FBXW12: variants seen among roughly 807,000 people sequenced by gnomAD.
FBXW12 encodes F-box and WD repeat domain containing 12, also known as F-box/WD repeat-containing protein 12.
A neutral mutation model predicts 55.3 loss-of-function variants in FBXW12; 43 were observed. That is an observed-to-expected ratio of 0.78 (90% CI 0.61 to 1.00). FBXW12 has a LOEUF of 1.00. Ranked by LOEUF, FBXW12 falls within the 50% of genes least tolerant of loss-of-function variation. FBXW12 has a pLI of 0.00. For synonymous variants in FBXW12, 184 were observed against 203.8 expected (o/e 0.90, Z 0.83); for missense variants, 524 against 560.5 (o/e 0.93, Z 0.66).
chr3:48,373,750 A>C, intron 4 of FBXW12, 45 bp downstream of exon 4: 1 of 1,545,330 alleles, frequency 6.5e-7, no homozygotes, highest in South Asian at 1.2e-5. Context: ...GCTTGTTTTC[A>C]GAGGTCCACT....
chr3:48,373,172 G>A, intron 2 of FBXW12, 136 bp from the exon 3 acceptor site: 2 of 1,308,978 alleles, frequency 1.5e-6, no homozygotes, highest in Non-Finnish European at 2.2e-6. Context: ...TCCCCACACT[G>A]AGAGTGCTTT....
At chr3:48,381,657 TTA>T in intron 8 of FBXW12, 41 bp from the exon 9 acceptor site, 2 of 1,497,366 alleles carry the variant, frequency 1.3e-6, no homozygotes, top group Non-Finnish European at 1.8e-6. Flanking sequence ...CTTTACTTCC[TTA>T]TGTGTGTGTG....
chr3:48,380,645 T>G, intron 7 of FBXW12, 57 bp from the exon 8 acceptor site: 1 of 1,286,918 alleles, frequency 7.8e-7, no homozygotes, highest in Non-Finnish European at 1.1e-6. Flanking sequence ...GAGTCACTCC[T>G]GTACTGAGAG....
intron 10 of FBXW12, among the ~76,000 whole-genome samples, chr3:48,384,958 CACTT>C (rs1265291098): frequency 1.3e-5 from 2 of 152,086 alleles, no homozygotes; most frequent in Non-Finnish European, 2.9e-5. Context: ...TCACTTCATA[CACTT>C]ACTTTTGTGG....
intron 1 of FBXW12, 35 bp from the exon 2 acceptor site, chr3:48,372,649 G>A (rs766253016): frequency 4.0e-5 from 63 of 1,587,786 alleles, no homozygotes; most frequent in African/African-American, 2.9e-4. Context: ...TGTTTCTACC[G>A]CACACAGATG....
chr3:48,393,197 C>T lies in FBXW12; in HGVS notation c.1296-1363C>T, dbSNP rs372777380. On this transcript the variant is annotated intron_variant, in intron 10 of 10. Coordinates refer to ENST00000296438, the MANE Select transcript of FBXW12 (RefSeq NM_207102.2). ...TTTTAGTAGAGACTGGGTTTTGCCA[C>T]GTTGGTCAGGCTGGTCTCAAACTCC... Among the ~76,000 whole-genome samples the T allele has an allele frequency of 5.3e-5, 8 of 152,106 alleles. No homozygotes were observed. The East Asian group carries it at 7.7e-4, about 15-fold the overall frequency.
At chr3:48,375,266 A>G (rs4858817) in intron 4 of FBXW12, 88 bp from the exon 5 acceptor site, 472,108 of 844,508 alleles carry the variant, frequency 0.56, 133,276 homozygotes, top group South Asian at 0.67. Flanking sequence ...CCTTCCTAAG[A>G]GGGTACAGAA....
chr3:48,378,503 A>ACAAAGGATGG lies in FBXW12; in HGVS notation c.594_603dup (p.Pro202LysfsTer14). On this transcript the variant is annotated frameshift_variant, in exon 6 of 11. Coordinates refer to ENST00000296438, the MANE Select transcript of FBXW12 (RefSeq NM_207102.2). LOFTEE classifies it high-confidence loss of function. ...CTGTTATTGCATGGAAGCCTATCTTACAAAGGATGGCCCATTCCTGATGGT... is the reference window on the plus strand; with the variant it reads ...CTGTTATTGCATGGAAGCCTATCTTACAAAGGATGGCAAAGGATGGCCCATTCCTGATGGT... The ACAAAGGATGG allele has an allele frequency of 6.2e-7, 1 of 1,614,042 alleles. No individual in the cohort carries two copies. Among genetic ancestry groups the ACAAAGGATGG allele is most frequent in the East Asian group, 2.2e-5 (1 of 44,888 alleles).
chr3:48,377,321 G>A (rs2107156239), intron 5 of FBXW12, among the ~76,000 whole-genome samples: 1 of 152,290 alleles, frequency 6.6e-6, no homozygotes, highest in South Asian at 2.1e-4. Flanking sequence ...CTGAAGCTAT[G>A]TCACAGAAGA....
Position 48,381,718 on chromosome 3 carries a change from T to G in FBXW12, c.1004T>G (p.Phe335Cys). 1 of 1,581,402 alleles carries G rather than the reference T, an allele frequency of 6.3e-7. No homozygotes were observed. Among genetic ancestry groups the G allele is most frequent in the Non-Finnish European group, 8.6e-7 (1 of 1,165,018 alleles). ...AAAACAGCATATGAGATCGCAAGTT[T>G]CCAGGTGGCAGCTCATCTGAAGTGC... ...TVIQAYEIAS[F>C]QVAAHLKCPI... The change falls in exon 9 of 11, where the codon TTC becomes TGC. Residue 335 changes from phenylalanine (F) to cysteine (C), a missense_variant. Transcript: ENST00000296438.
At chr3:48,393,336 T>G (rs759846551) in intron 10 of FBXW12, among the ~76,000 whole-genome samples, 3 of 151,990 alleles carry the variant, frequency 2.0e-5, no homozygotes, top group Non-Finnish European at 2.9e-5. Flanking sequence ...CCGGGGGAGA[T>G]AGTCGACAGG....
chr3:48,378,154 G>T (rs1283691288), intron 5 of FBXW12, among the ~76,000 whole-genome samples, 163 bp from the exon 6 acceptor site: 1 of 152,102 alleles, frequency 6.6e-6, no homozygotes, highest in Non-Finnish European at 1.5e-5. Flanking sequence ...CTGTTTTCAT[G>T]TTCACTCCTC....
At chr3:48,386,314 T>C (rs2036847949) in intron 10 of FBXW12, among the ~76,000 whole-genome samples, 1 of 152,230 alleles carries the variant, frequency 6.6e-6, no homozygotes, top group Non-Finnish European at 1.5e-5. Context: ...TGTGCAGGTT[T>C]ATTTCTGGGA....
Position 48,394,639 on chromosome 3 carries a change from A to T in FBXW12, c.1375A>T (p.Met459Leu), listed in dbSNP as rs1398038776. 9 of 1,594,442 alleles carry T rather than the reference A, an allele frequency of 5.6e-6. No homozygotes were observed. The highest frequency in any genetic ancestry group is 7.7e-6 in the Non-Finnish European group (9 of 1,165,352). ...AGTAAGTGACTCCAGCATTCTGGTG[A>T]TGTATTCTTTGAATACGTAATATGG... ...RKVSDSSILVMYSLNT is the reference protein window; with the variant it reads ...RKVSDSSILVLYSLNT Residue 459 changes from methionine to leucine, a missense_variant, in exon 11 of 11, where the codon ATG becomes TTG. Transcript: ENST00000296438.
chr3:48,382,351 G>A (rs1313869092), intron 10 of FBXW12, among the ~76,000 whole-genome samples: 1 of 152,050 alleles, frequency 6.6e-6, no homozygotes, highest in Non-Finnish European at 1.5e-5. Context: ...TCCTGGTCTC[G>A]TGATCCGCCC....
chr3:48,382,361 C>T (rs558187886), intron 10 of FBXW12, among the ~76,000 whole-genome samples: 2 of 152,142 alleles, frequency 1.3e-5, no homozygotes, highest in Non-Finnish European at 2.9e-5. Flanking sequence ...GTGATCCGCC[C>T]GCCTTGGCCT....
At chr3:48,377,807 C>T (rs943065464) in intron 5 of FBXW12, among the ~76,000 whole-genome samples, 1 of 152,128 alleles carries the variant, frequency 6.6e-6, no homozygotes, top group African/African-American at 2.4e-5. Flanking sequence ...AAACTTCGTG[C>T]TCTTTTCTTA....
chr3:48,379,250 G>C lies in FBXW12; in HGVS notation c.616-150G>C. The C allele has an allele frequency of 8.2e-6, 6 of 733,304 alleles. No homozygotes were observed. The East Asian group carries it at 1.2e-4, about 15-fold the overall frequency. 45.4% of individuals were successfully genotyped at this position (733,304 alleles called of 1,614,324 possible). On this transcript the variant is annotated intron_variant, in intron 6 of 10. Coordinates refer to ENST00000296438, the MANE Select transcript of FBXW12 (RefSeq NM_207102.2). The stretch of plus-strand genomic sequence containing the variant: ...TTTATTCCATGGGATTATCCCAACA[G>C]TGTCTCAAGCTAGACTGGTCAGAGG...
chr3:48,373,766 T>A, intron 4 of FBXW12, 61 bp downstream of exon 4: 1 of 1,475,742 alleles, frequency 6.8e-7, no homozygotes, highest in Non-Finnish European at 9.3e-7. Context: ...CCACTCTATT[T>A]GATTTTTGCT....
Sources: allele counts gnomAD v4.1 joint callset (sites outside exome capture counted in the v4.1 genomes callset), GRCh38; gene constraint gnomAD v4.1.1; transcripts MANE v1.5; gene names NCBI Gene and HGNC (gene_info 2026-07-23, HGNC 2026-07-21).